KRT85: variants seen among roughly 807,000 people sequenced by gnomAD.
The protein encoded by KRT85 is keratin, type II cuticular Hb5.
KRT85 carries 39 observed loss-of-function variants against 53.7 expected under a neutral mutation model. That is an observed-to-expected ratio of 0.73 (90% CI 0.56 to 0.95). The LOEUF is 0.95. Among genes scored for constraint, KRT85 ranks in the 40% least tolerant of loss-of-function variants. The probability of loss-of-function intolerance (pLI) is 0.00; values close to 1 mark genes in which losing one functional copy is unlikely to be tolerated. For synonymous variants in KRT85, 291 were observed against 277.5 expected (o/e 1.05, Z -0.48); for missense variants, 668 against 686.0 (o/e 0.97, Z 0.29).
intron 7 of KRT85, among the ~76,000 whole-genome samples, chr12:52,361,784 G>C (rs1418464524): frequency 6.6e-6 from 1 of 152,200 alleles, no homozygotes; most frequent in Non-Finnish European, 1.5e-5. Flanking sequence ...AGGAAGGAGA[G>C]TTGAATCAGA....
intron 1 of KRT85, 140 bp downstream of exon 1, chr12:52,366,846 C>A (rs943500276): frequency 4.3e-6 from 6 of 1,401,716 alleles, no homozygotes; most frequent in Non-Finnish European, 6.0e-6. Context: ...TGGAAACTGA[C>A]CCTTCCACCT....
chr12:52,363,189 A>G, intron 5 of KRT85, 57 bp downstream of exon 5: 1 of 1,606,184 alleles, frequency 6.2e-7, no homozygotes, highest in South Asian at 1.1e-5. Flanking sequence ...TTTCTAATAG[A>G]TGCCTAACTT....
At chr12:52,365,252 G>T in intron 1 of KRT85, 82 bp from the exon 2 acceptor site, 1 of 1,454,858 alleles carries the variant, frequency 6.9e-7, no homozygotes, top group Non-Finnish European at 9.6e-7. Flanking sequence ...GCCCTCGGGT[G>T]CTGGCTGAAT....
rs367711628 is a variant in KRT85, at chr12:52,367,423, A to G, written c.-18T>C. ...CACGACATCGTGTGAGGCTGAGCAG[A>G]GTCTGAGAGGCAGCGGAAGGTGGTG... On this transcript the variant is annotated 5_prime_UTR_variant, in exon 1 of 9. Transcript: ENST00000257901. 694 of 1,613,848 alleles carry G rather than the reference A, an allele frequency of 4.3e-4. 2 individuals are homozygous for G. In the African/African-American group the frequency reaches 8.4e-3, roughly 19 times the overall value.
intron 2 of KRT85, 159 bp from the exon 3 acceptor site, chr12:52,364,525 G>A: frequency 6.7e-7 from 1 of 1,499,570 alleles, no homozygotes; most frequent in South Asian, 1.3e-5. Flanking sequence ...TCATGGGCCA[G>A]CCCTTGTCCT....
chr12:52,366,814 A>G (rs564271256), intron 1 of KRT85, among the ~76,000 whole-genome samples, 172 bp downstream of exon 1: 1 of 152,284 alleles, frequency 6.6e-6, no homozygotes, highest in African/African-American at 2.4e-5. Context: ...GGACCTCGTT[A>G]AATGCTGCGG....
chr12:52,362,117 A>C, intron 7 of KRT85, 134 bp downstream of exon 7: 14 of 948,770 alleles, frequency 1.5e-5, no homozygotes, highest in Non-Finnish European at 2.1e-5. Flanking sequence ...GCATTCAGTT[A>C]TTATTATTAT....
chr12:52,363,340 A>G lies in KRT85; in HGVS notation c.857T>C (p.Leu286Pro). Residue 286 changes from leucine (L) to proline (P), a missense_variant, in exon 5 of 9, where the codon CTG (leucine) becomes CCG (proline). This residue lies in a region of KRT85 where 488 missense variants were observed against 498.1 expected (regional missense o/e 0.98). Coordinates refer to ENST00000257901, the MANE Select transcript of KRT85 (RefSeq NM_002283.4). ...VIVKMDNSRD[L>P]NMDCIIAEIK... ...CTCAGCGATGATGCAGTCCATGTTCAGGTCTCGGCTGTTGTCCATCTTGAC... is the reference window on the plus strand; with the variant it reads ...CTCAGCGATGATGCAGTCCATGTTCGGGTCTCGGCTGTTGTCCATCTTGAC... The G allele has an allele frequency of 6.2e-7, 1 of 1,614,134 alleles. No individual in the cohort carries two copies. Among genetic ancestry groups the G allele is most frequent in the Non-Finnish European group, 8.5e-7 (1 of 1,180,034 alleles).
At chr12:52,364,555 GC>G (rs1470423498) in intron 2 of KRT85, 189 bp from the exon 3 acceptor site, 2 of 1,464,488 alleles carry the variant, frequency 1.4e-6, no homozygotes, top group Non-Finnish European at 1.8e-6. Flanking sequence ...TCATTCCGCC[GC>G]AGTCCTTCTG....
At position 52,367,114 on chromosome 12, in the gene KRT85, C is replaced by A. The variant is rs773713528; in HGVS notation, c.292G>T (p.Val98Leu). Residue 98 changes from valine (V) to leucine (L), a missense_variant, in exon 1 of 9, where the codon GTG becomes TTG. Physicochemically the swap from Val to Leu is conservative, Grantham distance 32. Coordinates refer to ENST00000257901, the MANE Select transcript of KRT85 (RefSeq NM_002283.4). ...GTGAGGAGGCTCTCGTTGACCGACACGGTAGTGATGCATGGGGGGCTGGGT... is the reference window on the plus strand; with the variant it reads ...GTGAGGAGGCTCTCGTTGACCGACAAGGTAGTGATGCATGGGGGGCTGGGT... ...CGPSPPCITTVSVNESLLTPL... is the reference protein window; with the variant it reads ...CGPSPPCITTLSVNESLLTPL... 1.2e-6 allele frequency: 2 copies of A among 1,613,206 alleles called. No homozygotes were observed. The highest frequency in any genetic ancestry group is 8.5e-7 in the Non-Finnish European group (1 of 1,179,984).
chr12:52,363,932 C>T (rs1051581580), intron 4 of KRT85, 136 bp downstream of exon 4: 50 of 785,200 alleles, frequency 6.4e-5, no homozygotes, highest in Admixed American at 3.6e-4. Flanking sequence ...GGCCCCAGCA[C>T]GTATGTGCAA....
intron 2 of KRT85, 99 bp downstream of exon 2, chr12:52,364,863 A>T: frequency 6.2e-7 from 1 of 1,600,314 alleles, no homozygotes; most frequent in Non-Finnish European, 8.5e-7. Context: ...GCAGCCTGCT[A>T]GAGGAATCTG....
chr12:52,367,103 G>T lies in KRT85; in HGVS notation c.303C>A (p.Asn101Lys). ...SPPCITTVSV[N>K]ESLLTPLNLE... ...GGTTGAGGGGCGTGAGGAGGCTCTC[G>T]TTGACCGACACGGTAGTGATGCATG... The change falls in exon 1 of 9, where the codon AAC becomes AAA. Residue 101 changes from asparagine (N) to lysine (K), a missense_variant. Coordinates refer to ENST00000257901, the MANE Select transcript of KRT85 (RefSeq NM_002283.4). 1 of 1,613,340 alleles carries T rather than the reference G, an allele frequency of 6.2e-7. No individual in the cohort carries two copies. The highest frequency in any genetic ancestry group is 8.5e-7 in the Non-Finnish European group (1 of 1,179,956).
At chr12:52,361,533 C>G in intron 7 of KRT85, 35 bp from the exon 8 acceptor site, 2 of 1,605,174 alleles carry the variant, frequency 1.2e-6, no homozygotes, top group Non-Finnish European at 1.7e-6. Flanking sequence ...GTTCCAGACA[C>G]TGAGTTGGAT....
intron 5 of KRT85, 118 bp downstream of exon 5, chr12:52,363,128 G>T: frequency 6.4e-7 from 1 of 1,557,240 alleles, no homozygotes; most frequent in Non-Finnish European, 8.8e-7. Context: ...AGAACTACTG[G>T]CTTTTCTCAT....
Position 52,360,883 on chromosome 12 carries a change from G to T in KRT85, c.1494C>A (p.Cys498Ter). Residue 498 changes from cysteine to a stop codon, truncating the protein, a stop_gained, in exon 9 of 9, where the codon TGC becomes TGA. Coordinates refer to ENST00000257901, the MANE Select transcript of KRT85 (RefSeq NM_002283.4). LOFTEE classifies it high-confidence loss of function. The part of the protein sequence containing the change: ...PCQPRSSSFS[C>*]GSSRSVRFA ...CAAAGCGGACCGACCGGCTACTCCC[G>T]CAGCTGAAGCTGGAGGAACGAGGCT... 6.2e-7 allele frequency: 1 copy of T among 1,612,324 alleles called. No individual in the cohort carries two copies. Among genetic ancestry groups the T allele is most frequent in the Non-Finnish European group, 8.5e-7 (1 of 1,180,024 alleles).
At position 52,367,425 on chromosome 12, in the gene KRT85, T is replaced by G; in HGVS notation, c.-20A>C. On this transcript the variant is annotated 5_prime_UTR_variant, in exon 1 of 9. Coordinates refer to ENST00000257901, the MANE Select transcript of KRT85 (RefSeq NM_002283.4). ...CGACATCGTGTGAGGCTGAGCAGAG[T>G]CTGAGAGGCAGCGGAAGGTGGTGCG... The G allele has an allele frequency of 6.2e-7, 1 of 1,613,604 alleles. No homozygotes were observed.
intron 2 of KRT85, 160 bp from the exon 3 acceptor site, chr12:52,364,526 C>A: frequency 1.3e-6 from 2 of 1,498,584 alleles, no homozygotes; most frequent in Non-Finnish European, 1.8e-6. Flanking sequence ...CATGGGCCAG[C>A]CCTTGTCCTA....
At chr12:52,365,389 T>C (rs544477872) in intron 1 of KRT85, among the ~76,000 whole-genome samples, 1 of 152,346 alleles carries the variant, frequency 6.6e-6, no homozygotes, top group Non-Finnish European at 1.5e-5. Context: ...AGCCCCAGTT[T>C]TGATACTTTA....
Sources: allele counts gnomAD v4.1 joint callset (sites outside exome capture counted in the v4.1 genomes callset), GRCh38; gene constraint gnomAD v4.1.1; regional missense constraint gnomAD v4.1.1; transcripts MANE v1.5; gene names NCBI Gene and HGNC (gene_info 2026-07-23, HGNC 2026-07-21).